Variants in NRG3 observed in about 807,000 individuals in gnomAD.
The protein encoded by NRG3 is neuregulin 3.
A neutral mutation model predicts 66.9 loss-of-function variants in NRG3; 31 were observed. That is an observed-to-expected ratio of 0.46 (90% CI 0.35 to 0.63). The LOEUF is 0.63. Ranked by LOEUF, NRG3 falls within the 20% of genes least tolerant of loss-of-function variation. The pLI, the probability that NRG3 is intolerant of heterozygous loss-of-function variation, is 0.00. For missense variants in NRG3, 910 were observed against 878.9 expected (o/e 1.04, Z -0.45); for synonymous variants, 393 against 359.4 (o/e 1.09, Z -1.06).
intron 2 of NRG3, among the ~76,000 whole-genome samples, chr10:82,393,791 A>G (rs533333355): frequency 6.6e-6 from 1 of 152,290 alleles, no homozygotes; most frequent in East Asian, 1.9e-4. Context: ...TTATTAAAAG[A>G]ATAATGGAAT....
chr10:82,286,803 G>C (rs1235057238), intron 1 of NRG3, among the ~76,000 whole-genome samples: 1 of 152,116 alleles, frequency 6.6e-6, no homozygotes, highest in Non-Finnish European at 1.5e-5. Flanking sequence ...GGCCAGGCTG[G>C]TTTCGAACTC....
At chr10:81,908,428 A>G (rs996942853) in intron 1 of NRG3, among the ~76,000 whole-genome samples, 1 of 152,170 alleles carries the variant, frequency 6.6e-6, no homozygotes, top group African/African-American at 2.4e-5. Context: ...CCAATATTCT[A>G]TAGTAGGTAT....
intron 1 of NRG3, among the ~76,000 whole-genome samples, chr10:82,234,471 G>C (rs1399908260): frequency 6.6e-6 from 1 of 152,158 alleles, no homozygotes; most frequent in African/African-American, 2.4e-5. Context: ...TATGTTCCAG[G>C]AGAGTAGGGA....
intron 1 of NRG3, among the ~76,000 whole-genome samples, chr10:82,018,920 A>C (rs2061923371): frequency 6.6e-6 from 1 of 151,636 alleles, no homozygotes; most frequent in Non-Finnish European, 1.5e-5. Context: ...AATCGAATAC[A>C]CTTTTTTTCT....
rs539399606 is a variant in NRG3 at position 82,619,432 on chromosome 10, T to A, written c.954-119145T>A. Among the ~76,000 whole-genome samples, 3 of 152,330 alleles carry A rather than the reference T, an allele frequency of 2.0e-5. No individual in the cohort carries two copies. In the South Asian group the frequency reaches 6.2e-4, roughly 32 times the overall value. The stretch of plus-strand genomic sequence containing the variant: ...GGGACCATGGAAACTAGCCAAGGGA[T>A]TGGTATTTCTGCATGCTAAAGTGTA... On this transcript the variant is annotated intron_variant, in intron 2 of 8. Coordinates refer to ENST00000372141, the MANE Select transcript of NRG3 (RefSeq NM_001010848.4).
intron 2 of NRG3, among the ~76,000 whole-genome samples, chr10:82,590,479 T>C (rs560558766): frequency 6.6e-6 from 1 of 152,260 alleles, no homozygotes; most frequent in Non-Finnish European, 1.5e-5. Flanking sequence ...CAATAAATAT[T>C]GCCTACTCAA....
chr10:81,884,341 T>C (rs1252913146), intron 1 of NRG3, among the ~76,000 whole-genome samples: 2 of 152,172 alleles, frequency 1.3e-5, no homozygotes, highest in Non-Finnish European at 2.9e-5. Context: ...CTAGAGAAAT[T>C]GCCTGGGTTT....
At chr10:82,349,291 C>T (rs965221489) in intron 1 of NRG3, among the ~76,000 whole-genome samples, 2 of 151,974 alleles carry the variant, frequency 1.3e-5, no homozygotes, top group African/African-American at 4.8e-5. Flanking sequence ...ACAGACGGGA[C>T]CCTCAGCTGC....
chr10:82,530,922 T>G (rs1265879178), intron 2 of NRG3, among the ~76,000 whole-genome samples: 1 of 151,838 alleles, frequency 6.6e-6, no homozygotes, highest in Non-Finnish European at 1.5e-5. Context: ...TTTTAAAGAA[T>G]GATAAAAGGC....
intron 1 of NRG3, among the ~76,000 whole-genome samples, chr10:81,946,643 A>C (rs1216240563): frequency 6.6e-6 from 1 of 152,070 alleles, no homozygotes; most frequent in African/African-American, 2.4e-5. Flanking sequence ...GTGTGTTTTA[A>C]TAAGAATAAC....
chr10:82,974,010 A>G, intron 7 of NRG3, 95 bp downstream of exon 7: 2 of 1,402,496 alleles, frequency 1.4e-6, no homozygotes, highest in Non-Finnish European at 2.0e-6. Flanking sequence ...CTTAGGAGAG[A>G]CAACTGTTCT....
At chr10:82,887,255 C>A (rs989510842) in intron 4 of NRG3, among the ~76,000 whole-genome samples, 2 of 152,174 alleles carry the variant, frequency 1.3e-5, no homozygotes, top group Non-Finnish European at 2.9e-5. Flanking sequence ...TTTCATAAGT[C>A]ACTTTTAATG....
chr10:81,934,832 G>A (rs574325207), intron 1 of NRG3, among the ~76,000 whole-genome samples: 2 of 152,128 alleles, frequency 1.3e-5, no homozygotes, highest in East Asian at 1.9e-4. Flanking sequence ...TAAGTTATTG[G>A]TATGTTACTA....
chr10:82,061,665 T>A (rs187270101), intron 1 of NRG3, among the ~76,000 whole-genome samples: 1 of 152,296 alleles, frequency 6.6e-6, no homozygotes, highest in East Asian at 1.9e-4. Flanking sequence ...CAGTGAATGC[T>A]GGGGTATCAT....
chr10:82,010,251 TAAAC>T (rs2061524786), intron 1 of NRG3, among the ~76,000 whole-genome samples: 1 of 152,194 alleles, frequency 6.6e-6, no homozygotes, highest in South Asian at 2.1e-4. Context: ...GCCAAGGTCA[TAAAC>T]AAGTGTGTCC....
chr10:82,181,756 A>G (rs1447101496), intron 1 of NRG3, among the ~76,000 whole-genome samples: 4 of 151,708 alleles, frequency 2.6e-5, no homozygotes, highest in South Asian at 2.1e-4. Flanking sequence ...AATGATCCAT[A>G]TTTGTTTATA....
chr10:82,337,712 A>G (rs1319625541), intron 1 of NRG3, among the ~76,000 whole-genome samples: 1 of 152,204 alleles, frequency 6.6e-6, no homozygotes, highest in Non-Finnish European at 1.5e-5. Flanking sequence ...TTACATAAAC[A>G]CTAACAATTT....
chr10:82,647,185 T>G (rs954392975), intron 2 of NRG3, among the ~76,000 whole-genome samples: 1 of 151,814 alleles, frequency 6.6e-6, no homozygotes, highest in Non-Finnish European at 1.5e-5. Flanking sequence ...CCCCAGAGTG[T>G]GATGTTCCCC....
chr10:82,934,951 A>G (rs1847918056), intron 4 of NRG3, among the ~76,000 whole-genome samples: 2 of 152,152 alleles, frequency 1.3e-5, no homozygotes, highest in African/African-American at 4.8e-5. Flanking sequence ...TTTAAGGTCC[A>G]TCCTAGAGGC....
Sources: allele counts gnomAD v4.1 joint callset (sites outside exome capture counted in the v4.1 genomes callset), GRCh38; gene constraint gnomAD v4.1.1; transcripts MANE v1.5; gene names NCBI Gene and HGNC (gene_info 2026-07-23, HGNC 2026-07-21).